Variants in KIAA0825 observed in about 807,000 individuals in gnomAD.
KIAA0825 encodes uncharacterized protein KIAA0825.
Under a neutral mutation model 147.6 loss-of-function variants are expected in KIAA0825, and 119 were observed. The observed-to-expected ratio is 0.81, with a 90% confidence interval of 0.69 to 0.94. The LOEUF (loss-of-function observed/expected upper bound fraction) is 0.94. Among genes scored for constraint, KIAA0825 ranks in the 40% least tolerant of loss-of-function variants. The pLI, the probability that KIAA0825 is intolerant of heterozygous loss-of-function variation, is 0.00. For synonymous variants in KIAA0825, 470 were observed against 518.1 expected (o/e 0.91, Z 1.26); for missense variants, 1,381 against 1,472.7 (o/e 0.94, Z 1.02).
At chr5:94,288,482 A>G (rs1307367728) in intron 20 of KIAA0825, among the ~76,000 whole-genome samples, 1 of 152,180 alleles carries the variant, frequency 6.6e-6, no homozygotes, top group Non-Finnish European at 1.5e-5. Context: ...ACTGGAAGAA[A>G]GCTTTGAGTT....
At chr5:94,531,579 G>T (rs1045584349) in intron 3 of KIAA0825, among the ~76,000 whole-genome samples, 1 of 152,178 alleles carries the variant, frequency 6.6e-6, no homozygotes, top group African/African-American at 2.4e-5. Context: ...GAGAGAACAA[G>T]GGTGCTGGAA....
chr5:94,271,514 A>T (rs1023028433), intron 20 of KIAA0825, among the ~76,000 whole-genome samples: 1 of 152,152 alleles, frequency 6.6e-6, no homozygotes, highest in African/African-American at 2.4e-5. Context: ...TTGAGAGGCC[A>T]AGGTGGGTGG....
At chr5:94,176,100 G>A (rs944995856) in intron 20 of KIAA0825, among the ~76,000 whole-genome samples, 1 of 152,114 alleles carries the variant, frequency 6.6e-6, no homozygotes, top group African/African-American at 2.4e-5. Flanking sequence ...AGTGTTGGGG[G>A]TAGGGCCTGT....
intron 13 of KIAA0825, among the ~76,000 whole-genome samples, chr5:94,446,572 C>T (rs528715005): frequency 1.3e-5 from 2 of 152,220 alleles, no homozygotes; most frequent in Admixed American, 6.5e-5. Flanking sequence ...CAGAAAGGAA[C>T]ATGGCATAGA....
chr5:94,486,203 AT>A (rs1381404291), intron 5 of KIAA0825, among the ~76,000 whole-genome samples: 12 of 152,062 alleles, frequency 7.9e-5, no homozygotes, highest in Admixed American at 2.6e-4. Flanking sequence ...AAGCTTAATC[AT>A]AAATTGGAAA....
chr5:94,601,046 G>A (rs539565002), intron 1 of KIAA0825, among the ~76,000 whole-genome samples: 2 of 152,274 alleles, frequency 1.3e-5, no homozygotes, highest in East Asian at 3.9e-4. Flanking sequence ...TGATGCGGGG[G>A]CAGAAAGAGT....
chr5:94,409,914 A>G (rs750585989), intron 15 of KIAA0825, among the ~76,000 whole-genome samples: 1 of 152,210 alleles, frequency 6.6e-6, no homozygotes, highest in African/African-American at 2.4e-5. Context: ...TAGAGACTCA[A>G]TAACATAATA....
chr5:94,604,599 C>A (rs1412862782), intron 1 of KIAA0825, among the ~76,000 whole-genome samples: 3 of 151,914 alleles, frequency 2.0e-5, no homozygotes, highest in African/African-American at 4.8e-5. Context: ...AAAAAACACT[C>A]AAAAATGATA....
intron 20 of KIAA0825, among the ~76,000 whole-genome samples, chr5:94,289,007 T>C (rs1430539001): frequency 6.6e-6 from 1 of 152,158 alleles, no homozygotes; most frequent in Non-Finnish European, 1.5e-5. Context: ...GACAAACTGA[T>C]ACTAGGAAAC....
Position 94,598,956 on chromosome 5 carries a change from T to C in KIAA0825, c.-152-16373A>G, listed in dbSNP as rs142806713. Among the ~76,000 whole-genome samples the C allele has an allele frequency of 3.9e-5, 6 of 152,304 alleles. No homozygotes were observed. In the East Asian group the frequency reaches 5.8e-4, roughly 15 times the overall value. On this transcript the variant is annotated intron_variant, in intron 1 of 20. Coordinates refer to ENST00000682413, the MANE Select transcript of KIAA0825 (RefSeq NM_001145678.3). ...CATGGGGGTGAAGGTATTTCATCAA[T>C]ATACTGATTTCCTTTCCTTTAGATG...
chr5:94,565,530 T>C (rs1356774417), intron 2 of KIAA0825, among the ~76,000 whole-genome samples: 2 of 151,724 alleles, frequency 1.3e-5, no homozygotes. Flanking sequence ...TTACAAGAGA[T>C]GGGGTTTCAC....
chr5:94,342,670 AG>A (rs910885622), intron 20 of KIAA0825, among the ~76,000 whole-genome samples: 4 of 152,186 alleles, frequency 2.6e-5, no homozygotes, highest in Non-Finnish European at 5.9e-5. Flanking sequence ...ATAGAAATTA[AG>A]GAAGAATTTC....
At chr5:94,405,434 G>T (rs1314721533) in intron 15 of KIAA0825, among the ~76,000 whole-genome samples, 1 of 152,068 alleles carries the variant, frequency 6.6e-6, no homozygotes, top group East Asian at 1.9e-4. Flanking sequence ...AAAAGGTTTG[G>T]TTTAAATAAT....
At chr5:94,199,411 C>T (rs1771451456) in intron 20 of KIAA0825, among the ~76,000 whole-genome samples, 1 of 152,130 alleles carries the variant, frequency 6.6e-6, no homozygotes, top group Admixed American at 6.5e-5. Context: ...ACCTGTTGCA[C>T]CAGAGGAGCC....
intron 2 of KIAA0825, among the ~76,000 whole-genome samples, chr5:94,552,949 T>A (rs1237922301): frequency 6.6e-6 from 1 of 152,210 alleles, no homozygotes; most frequent in Non-Finnish European, 1.5e-5. Flanking sequence ...GAATCTTCTA[T>A]GGCACTGTAA....
chr5:94,361,996 AC>A (rs767917633), intron 20 of KIAA0825, among the ~76,000 whole-genome samples: 5 of 152,162 alleles, frequency 3.3e-5, no homozygotes, highest in Admixed American at 6.5e-5. Flanking sequence ...AATCAGGTGC[AC>A]CTCTCTTACT....
chr5:94,517,982 T>C (rs1191650155), intron 5 of KIAA0825, among the ~76,000 whole-genome samples: 2 of 152,074 alleles, frequency 1.3e-5, no homozygotes, highest in Admixed American at 6.6e-5. Context: ...ATGGAGATAA[T>C]AAATAATGGT....
intron 20 of KIAA0825, among the ~76,000 whole-genome samples, chr5:94,380,422 C>T (rs559982030): frequency 7.2e-4 from 110 of 152,328 alleles, no homozygotes; most frequent in African/African-American, 2.6e-3. Flanking sequence ...TAATTCAATA[C>T]ACACTACTTA....
chr5:94,515,797 A>AAAAATAAATAAAT (rs1554297596), intron 5 of KIAA0825, among the ~76,000 whole-genome samples: 2 of 151,844 alleles, frequency 1.3e-5, no homozygotes, highest in African/African-American at 4.8e-5. Context: ...GTCTCAAAAA[A>AAAAATAAATAAAT]AAAAAAAAAA....
Sources: allele counts gnomAD v4.1 joint callset (sites outside exome capture counted in the v4.1 genomes callset), GRCh38; gene constraint gnomAD v4.1.1; transcripts MANE v1.5; gene names NCBI Gene and HGNC (gene_info 2026-07-23, HGNC 2026-07-21).